Variants in GALNT7 observed in about 807,000 individuals in gnomAD.
The protein encoded by GALNT7 is polypeptide N-acetylgalactosaminyltransferase 7.
GALNT7 carries 60 observed loss-of-function variants against 82.1 expected under a neutral mutation model. The observed-to-expected ratio is 0.73, with a 90% CI of 0.59 to 0.91. GALNT7 has a LOEUF of 0.91. Among genes scored for constraint, GALNT7 ranks in the 40% least tolerant of loss-of-function variants. GALNT7 has a pLI of 0.00. For missense variants in GALNT7, 660 were observed against 804.2 expected (o/e 0.82, Z 2.17); for synonymous variants, 243 against 275.1 (o/e 0.88, Z 1.15).
At chr4:173,309,363 A>G (rs1175069770) in intron 8 of GALNT7, among the ~76,000 whole-genome samples, 1 of 152,136 alleles carries the variant, frequency 6.6e-6, no homozygotes, top group Non-Finnish European at 1.5e-5. Flanking sequence ...GCTGGGGAGG[A>G]CAGAATTAGA....
intron 1 of GALNT7, among the ~76,000 whole-genome samples, chr4:173,204,353 GT>G (rs1289732295): frequency 2.0e-5 from 3 of 152,050 alleles, no homozygotes; most frequent in African/African-American, 4.8e-5. Context: ...TGGCCTTCCT[GT>G]ACCTGGATAT....
At chr4:173,264,220 A>G (rs991243425) in intron 2 of GALNT7, among the ~76,000 whole-genome samples, 1 of 152,180 alleles carries the variant, frequency 6.6e-6, no homozygotes, top group Non-Finnish European at 1.5e-5. Flanking sequence ...AATGATTGTA[A>G]AACGTTAAGC....
chr4:173,268,687 C>T lies in GALNT7; in HGVS notation c.587+20247C>T, dbSNP rs574845485. Among the ~76,000 whole-genome samples, 4 of 151,036 alleles carry T rather than the reference C, an allele frequency of 2.6e-5. No individual in the cohort carries two copies. The East Asian group carries it at 5.8e-4, about 22-fold the overall frequency. ...CTGGGACTACAGGCGTCCACCACCA[C>T]GCCCAGCTAATTTTTTTTTTTTTTT... On this transcript the variant is annotated intron_variant, in intron 2 of 11. Transcript: ENST00000265000.
chr4:173,271,788 T>C (rs1464390796), intron 2 of GALNT7, among the ~76,000 whole-genome samples: 2 of 152,210 alleles, frequency 1.3e-5, no homozygotes, highest in Non-Finnish European at 2.9e-5. Context: ...TATGAGGTCA[T>C]TTTAAAAGAT....
At chr4:173,180,004 T>C (rs985569572) in intron 1 of GALNT7, among the ~76,000 whole-genome samples, 1 of 152,284 alleles carries the variant, frequency 6.6e-6, no homozygotes, top group African/African-American at 2.4e-5. Context: ...CTAGCATAAA[T>C]TAAAACTATC....
At chr4:173,201,970 G>T (rs1249663003) in intron 1 of GALNT7, among the ~76,000 whole-genome samples, 2 of 152,146 alleles carry the variant, frequency 1.3e-5, no homozygotes, top group Non-Finnish European at 2.9e-5. Context: ...CAATCCAAAA[G>T]AAAACACAAT....
At chr4:173,195,513 A>AC (rs1732748351) in intron 1 of GALNT7, among the ~76,000 whole-genome samples, 1 of 152,218 alleles carries the variant, frequency 6.6e-6, no homozygotes, top group Non-Finnish European at 1.5e-5. Flanking sequence ...CTGCAAAGGA[A>AC]CAAAGGTGAC....
intron 2 of GALNT7, among the ~76,000 whole-genome samples, chr4:173,274,494 T>C (rs1310358684): frequency 6.6e-6 from 1 of 152,194 alleles, no homozygotes; most frequent in Non-Finnish European, 1.5e-5. Context: ...GCCTTCAAAT[T>C]AGAGTCAAAG....
At chr4:173,187,051 C>T (rs529265201) in intron 1 of GALNT7, among the ~76,000 whole-genome samples, 13 of 152,162 alleles carry the variant, frequency 8.5e-5, no homozygotes, top group Admixed American at 4.6e-4. Context: ...CCACCGCACC[C>T]GGCCTACTTA....
chr4:173,311,663 G>A (rs1737390253), intron 8 of GALNT7, among the ~76,000 whole-genome samples: 1 of 152,092 alleles, frequency 6.6e-6, no homozygotes, highest in African/African-American at 2.4e-5. Flanking sequence ...GTGGACTGGT[G>A]GTAAATCATT....
chr4:173,269,484 C>A (rs992923727), intron 2 of GALNT7, among the ~76,000 whole-genome samples: 1 of 152,112 alleles, frequency 6.6e-6, no homozygotes, highest in Non-Finnish European at 1.5e-5. Flanking sequence ...CACAGGAGGT[C>A]TTTTGCACTG....
chr4:173,182,854 C>G (rs1221070030), intron 1 of GALNT7, among the ~76,000 whole-genome samples: 1 of 142,388 alleles, frequency 7.0e-6, no homozygotes, highest in African/African-American at 2.7e-5. Flanking sequence ...AGCTTTTTCT[C>G]TATGTACCTG....
At chr4:173,267,872 G>T (rs1300860311) in intron 2 of GALNT7, among the ~76,000 whole-genome samples, 1 of 152,126 alleles carries the variant, frequency 6.6e-6, no homozygotes, top group Non-Finnish European at 1.5e-5. Context: ...CACAGTTGTT[G>T]GAGGCCACCT....
chr4:173,321,270 T>C (rs1737805114), intron 11 of GALNT7, among the ~76,000 whole-genome samples: 1 of 152,142 alleles, frequency 6.6e-6, no homozygotes, highest in Non-Finnish European at 1.5e-5. Context: ...GCTGGGAATG[T>C]CATTAGCCAG....
At position 173,195,338 on chromosome 4, in the gene GALNT7, T is replaced by C. The variant is rs1038507675; in HGVS notation, c.126+26377T>C. ...AAGCCTGAAGGGGGCTCTGAGTGAC[T>C]GACTGGCTCTGGGCCTAGGCTACTT... On this transcript the variant is annotated intron_variant, in intron 1 of 11. Coordinates refer to ENST00000265000, the MANE Select transcript of GALNT7 (RefSeq NM_017423.3). Among the ~76,000 whole-genome samples, 27 of 152,302 alleles carry C rather than the reference T, an allele frequency of 1.8e-4. 1 individual carries two copies. Among genetic ancestry groups the C allele is most frequent in the African/African-American group, 6.3e-4 (26 of 41,572 alleles).
At chr4:173,303,785 C>T (rs1003021020) in intron 7 of GALNT7, among the ~76,000 whole-genome samples, 4 of 152,130 alleles carry the variant, frequency 2.6e-5, no homozygotes, top group Admixed American at 6.5e-5. Flanking sequence ...CCCTTAGTAG[C>T]AGTTTATTAT....
intron 1 of GALNT7, among the ~76,000 whole-genome samples, chr4:173,208,799 C>T (rs1733181403): frequency 6.6e-6 from 1 of 152,164 alleles, no homozygotes; most frequent in Admixed American, 6.5e-5. Context: ...CATTGCAGTG[C>T]TTTGTATATA....
chr4:173,215,931 A>G (rs1733433478), intron 1 of GALNT7, among the ~76,000 whole-genome samples: 1 of 152,156 alleles, frequency 6.6e-6, no homozygotes, highest in Non-Finnish European at 1.5e-5. Flanking sequence ...CAACATGGTG[A>G]AACCCCTTCT....
Position 173,216,727 on chromosome 4 carries a change from A to ATTTTTTTTTTTTTTTT in GALNT7, c.127-31249_127-31234dup. Among the ~76,000 whole-genome samples the ATTTTTTTTTTTTTTTT allele has an allele frequency of 1.2e-3, 15 of 12,980 alleles. 6 individuals carry two copies. Among genetic ancestry groups the ATTTTTTTTTTTTTTTT allele is most frequent in the Non-Finnish European group, 1.8e-3 (13 of 7,308 alleles). 8.5% of individuals were successfully genotyped at this position (12,980 alleles called of 152,430 possible). A position where few individuals can be genotyped will look rare whatever the true frequency, so the allele number is the denominator to read the frequency against. ...TATTCATATATATATATATATATAT[A>ATTTTTTTTTTTTTTTT]TTTTTTTTTTTTTTTTTTTGGAGAC... On this transcript the variant is annotated intron_variant, in intron 1 of 11. Coordinates refer to ENST00000265000, the MANE Select transcript of GALNT7 (RefSeq NM_017423.3).
Sources: allele counts gnomAD v4.1 joint callset (sites outside exome capture counted in the v4.1 genomes callset), GRCh38; gene constraint gnomAD v4.1.1; transcripts MANE v1.5; gene names NCBI Gene and HGNC (gene_info 2026-07-23, HGNC 2026-07-21).